GPATCH8: variants seen among roughly 807,000 people sequenced by gnomAD.
GPATCH8 encodes G patch domain-containing protein 8.
Under a neutral mutation model 118.3 loss-of-function variants are expected in GPATCH8, and 18 were observed. The ratio of observed to expected loss-of-function variants is 0.15; its 90% confidence interval spans 0.11 to 0.23. The LOEUF is 0.23. Among genes scored for constraint, GPATCH8 ranks in the 10% least tolerant of loss-of-function variants. The pLI is 1.00. For synonymous variants in GPATCH8, 659 were observed against 684.7 expected (o/e 0.96, Z 0.59); for missense variants, 1,631 against 1,873.8 (o/e 0.87, Z 2.39).
At chr17:44,487,240 T>C (rs1414647699) in intron 1 of GPATCH8, among the ~76,000 whole-genome samples, 3 of 152,186 alleles carry the variant, frequency 2.0e-5, no homozygotes, top group Non-Finnish European at 4.4e-5. Flanking sequence ...GGATGTCATA[T>C]ATTTGCAATC....
At chr17:44,433,230 G>A (rs1225220578) in intron 5 of GPATCH8, among the ~76,000 whole-genome samples, 1 of 152,050 alleles carries the variant, frequency 6.6e-6, no homozygotes, top group Non-Finnish European at 1.5e-5. Flanking sequence ...ACTCGACAGT[G>A]TAACTTTTAC....
rs986324135 is a variant in GPATCH8 at position 44,420,898 on chromosome 17, C to T, written c.492+3451G>A. Reference sequence around the variant, plus strand: ...TTTTTGAGATGGAGTCTTGCTCTGTCACTTAGGCTGGAGTGCAGTGGTGCC... The same window carrying T: ...TTTTTGAGATGGAGTCTTGCTCTGTTACTTAGGCTGGAGTGCAGTGGTGCC... On this transcript the variant is annotated intron_variant, in intron 6 of 7. Coordinates refer to ENST00000591680, the MANE Select transcript of GPATCH8 (RefSeq NM_001002909.4). Among the ~76,000 whole-genome samples, 56 of 152,098 alleles carry T rather than the reference C, an allele frequency of 3.7e-4. 1 individual carries two copies. Among genetic ancestry groups the T allele is most frequent in the Admixed American group, 3.7e-3 (56 of 15,268 alleles).
At position 44,398,059 on chromosome 17, in the gene GPATCH8, C is replaced by T. The variant is rs542343547; in HGVS notation, c.4018G>A (p.Val1340Ile). 4 of 1,614,050 alleles carry T rather than the reference C, an allele frequency of 2.5e-6. No homozygotes were observed. The highest frequency in any genetic ancestry group is 2.5e-6 in the Non-Finnish European group (3 of 1,179,956). The change falls in exon 8 of 8, where the codon GTA (valine) becomes ATA (isoleucine). Residue 1340 changes from valine (V) to isoleucine (I), a missense_variant. Coordinates refer to ENST00000591680, the MANE Select transcript of GPATCH8 (RefSeq NM_001002909.4). ...HIQQQLLAKQ[V>I]KAFPASAALA... ...GCAGCTGAGGCTGGAAAGGCCTTTA[C>T]TTGCTTGGCCAGAAGCTGCTGCTGG...
At chr17:44,452,466 A>G (rs2144191368) in intron 3 of GPATCH8, among the ~76,000 whole-genome samples, 1 of 152,246 alleles carries the variant, frequency 6.6e-6, no homozygotes, top group East Asian at 1.9e-4. Flanking sequence ...AATCTAGTGA[A>G]TAGGGGCTTG....
rs1055718293 is a variant in GPATCH8 at position 44,396,495 on chromosome 17, A to C, written c.*1073T>G. Reference sequence around the variant, plus strand: ...AAAATGTTTTAACATTTTATAGTTCATAACTTCAAAAAATACATAAGTTTG... The same window carrying C: ...AAAATGTTTTAACATTTTATAGTTCCTAACTTCAAAAAATACATAAGTTTG... On this transcript the variant is annotated 3_prime_UTR_variant, in exon 8 of 8. Coordinates refer to ENST00000591680, the MANE Select transcript of GPATCH8 (RefSeq NM_001002909.4). 1.8e-5 allele frequency: 8 copies of C among 453,568 alleles called. No individual in the cohort carries two copies. The highest frequency in any genetic ancestry group is 1.0e-4 in the African/African-American group (5 of 49,958). 28.1% of individuals were successfully genotyped at this position (453,568 alleles called of 1,614,324 possible). A position where few individuals can be genotyped will look rare whatever the true frequency, so the allele number is the denominator to read the frequency against.
intron 1 of GPATCH8, among the ~76,000 whole-genome samples, chr17:44,485,982 C>T (rs1266326172): frequency 1.3e-5 from 2 of 152,230 alleles, no homozygotes; most frequent in African/African-American, 2.4e-5. Context: ...GCAGCTTCTA[C>T]TTCCTGGGCT....
chr17:44,475,617 C>T (rs1237682049), intron 1 of GPATCH8, among the ~76,000 whole-genome samples: 1 of 151,852 alleles, frequency 6.6e-6, no homozygotes, highest in Admixed American at 6.6e-5. Flanking sequence ...TGGCGTGAAC[C>T]CGGGAGGCGG....
intron 1 of GPATCH8, among the ~76,000 whole-genome samples, chr17:44,501,936 G>A (rs1404491202): frequency 6.6e-6 from 1 of 151,424 alleles, no homozygotes; most frequent in East Asian, 1.9e-4. Context: ...ATATATGTGT[G>A]TATATATATA....
At position 44,464,636 on chromosome 17, in the gene GPATCH8, T is replaced by C. The variant is rs2051688363; in HGVS notation, c.121-92A>G. ...ATTTAAACAGATGATGAGCAAGAGATACTTCTACATATATGCATGCAAAAA... is the reference window on the plus strand; with the variant it reads ...ATTTAAACAGATGATGAGCAAGAGACACTTCTACATATATGCATGCAAAAA... On this transcript the variant is annotated intron_variant, in intron 2 of 7. Transcript: ENST00000591680. 4 of 813,228 alleles carry C rather than the reference T, an allele frequency of 4.9e-6. 1 individual carries two copies. The highest frequency in any genetic ancestry group is 2.7e-5 in the South Asian group (2 of 74,938). 50.4% of individuals were successfully genotyped at this position (813,228 alleles called of 1,614,324 possible).
chr17:44,488,390 A>T (rs1369388305), intron 1 of GPATCH8, among the ~76,000 whole-genome samples: 1 of 150,684 alleles, frequency 6.6e-6, no homozygotes, highest in Non-Finnish European at 1.5e-5. Context: ...TTTTTTTGAG[A>T]TGGAGTCTTG....
intron 5 of GPATCH8, among the ~76,000 whole-genome samples, chr17:44,430,397 T>C (rs1034161842): frequency 1.6e-4 from 25 of 151,994 alleles, no homozygotes; most frequent in Admixed American, 4.6e-4. Context: ...TACAATGTAA[T>C]ACACCATTAT....
At chr17:44,424,240 C>T in intron 6 of GPATCH8, 109 bp downstream of exon 6, 1 of 797,876 alleles carries the variant, frequency 1.3e-6, no homozygotes, top group Non-Finnish European at 2.2e-6. Context: ...TAAAGATTGG[C>T]AGACACAAGA....
At chr17:44,447,946 GTGTT>G (rs887527358) in intron 3 of GPATCH8, among the ~76,000 whole-genome samples, 18 of 152,196 alleles carry the variant, frequency 1.2e-4, no homozygotes, top group Admixed American at 5.9e-4. Context: ...CATTTTGGGG[GTGTT>G]TGTTTGTGAG....
intron 3 of GPATCH8, among the ~76,000 whole-genome samples, chr17:44,456,036 A>T (rs4793107): frequency 6.6e-6 from 1 of 151,844 alleles, no homozygotes; most frequent in Non-Finnish European, 1.5e-5. Flanking sequence ...CGTGAGCCAT[A>T]GCGCCCAGAC....
intron 5 of GPATCH8, among the ~76,000 whole-genome samples, chr17:44,434,339 G>T (rs1281802677): frequency 1.3e-5 from 2 of 151,930 alleles, no homozygotes; most frequent in Admixed American, 1.3e-4. Context: ...AAGAAGATGA[G>T]TTGGTTATAT....
chr17:44,441,943 G>A (rs577490729), intron 3 of GPATCH8, among the ~76,000 whole-genome samples: 9 of 148,892 alleles, frequency 6.0e-5, no homozygotes, highest in South Asian at 4.3e-4. Context: ...CAGGAGAATC[G>A]CTTAAACCCG....
intron 7 of GPATCH8, among the ~76,000 whole-genome samples, chr17:44,405,504 G>A (rs1275568458): frequency 6.7e-5 from 7 of 104,540 alleles, no homozygotes; most frequent in African/African-American, 1.1e-4. Flanking sequence ...CACCATGCCC[G>A]GCCACTTTTG....
At chr17:44,493,014 T>C (rs1969381321) in intron 1 of GPATCH8, among the ~76,000 whole-genome samples, 1 of 150,788 alleles carries the variant, frequency 6.6e-6, no homozygotes, top group African/African-American at 2.4e-5. Flanking sequence ...ATTAAACCAC[T>C]GGTTTATAAC....
intron 6 of GPATCH8, among the ~76,000 whole-genome samples, chr17:44,407,563 G>A (rs151093405): frequency 2.0e-5 from 3 of 152,132 alleles, no homozygotes; most frequent in Non-Finnish European, 4.4e-5. Flanking sequence ...AGACCATTAT[G>A]GTATTAAAAA....
Sources: gnomAD v4.1 joint callset for allele counts (sites outside exome capture counted in the v4.1 genomes callset) on GRCh38, gnomAD v4.1.1 for gene constraint, MANE v1.5 for transcripts, NCBI Gene and HGNC (gene_info 2026-07-23, HGNC 2026-07-21) for gene names.